ANKRD42: variants seen among roughly 807,000 people sequenced by gnomAD.
The protein encoded by ANKRD42 is ankyrin repeat domain-containing protein 42.
A neutral mutation model predicts 51.5 loss-of-function variants in ANKRD42; 43 were observed. The observed-to-expected ratio is 0.83, with a 90% confidence interval of 0.65 to 1.08. The LOEUF (loss-of-function observed/expected upper bound fraction) is 1.08. Among genes scored for constraint, ANKRD42 ranks in the 50% least tolerant of loss-of-function variants. ANKRD42 has a pLI of 0.00. For missense variants in ANKRD42, 608 were observed against 629.3 expected, an observed-to-expected ratio of 0.97 and a Z score of 0.36; for synonymous variants, 203 against 213.0, an observed-to-expected ratio of 0.95 and a Z score of 0.41.
chr11:83,200,122 A>G (rs986961226), intron 2 of ANKRD42, among the ~76,000 whole-genome samples: 2 of 151,856 alleles, frequency 1.3e-5, no homozygotes, highest in African/African-American at 4.8e-5. Context: ...AGAAGGGGGA[A>G]GTACTGATTT....
downstream of ANKRD42, chr11:83,262,053 A>G: frequency 1.1e-6 from 1 of 875,978 alleles, no homozygotes; most frequent in Non-Finnish European, 1.7e-6. Flanking sequence ...TTAAGTGAAG[A>G]GCAAAAAACA....
downstream of ANKRD42, among the ~76,000 whole-genome samples, chr11:83,256,508 C>A (rs868477560): frequency 1.5e-4 from 23 of 152,204 alleles, no homozygotes; most frequent in African/African-American, 5.5e-4. Context: ...ACAACTATGG[C>A]TTTTCAGTTC....
intron 7 of ANKRD42, among the ~76,000 whole-genome samples, chr11:83,234,748 GT>G (rs1301610938): frequency 6.6e-6 from 1 of 152,174 alleles, no homozygotes; most frequent in Non-Finnish European, 1.5e-5. Context: ...CTAAAGTGGG[GT>G]TTTTAATAGA....
chr11:83,239,794 T>C (rs1256374802), intron 8 of ANKRD42, among the ~76,000 whole-genome samples: 5 of 152,234 alleles, frequency 3.3e-5, no homozygotes, highest in African/African-American at 1.2e-4. Context: ...ATCTGAAGTT[T>C]TCCATAATTT....
intron 10 of ANKRD42, 125 bp from the exon 11 acceptor site, chr11:83,247,818 T>G: frequency 1.2e-6 from 1 of 866,554 alleles, no homozygotes. Flanking sequence ...TTAATACATA[T>G]TTGTTGAATA....
At chr11:83,200,384 T>A (rs775874464) in intron 2 of ANKRD42, among the ~76,000 whole-genome samples, 45 of 152,348 alleles carry the variant, frequency 3.0e-4, no homozygotes, top group Middle Eastern at 3.4e-3. Context: ...TTGGATTATG[T>A]ATTAAGTGCT....
At chr11:83,228,769 G>A (rs959986240) in intron 7 of ANKRD42, among the ~76,000 whole-genome samples, 3 of 152,044 alleles carry the variant, frequency 2.0e-5, no homozygotes. Flanking sequence ...GAAGAGATGG[G>A]ATGCAAAGGA....
rs1220047058 is a variant in ANKRD42, at chr11:83,225,117, T to C, written c.787+62T>C. 1.2e-5 allele frequency: 17 copies of C among 1,413,178 alleles called. No homozygotes were observed. In the East Asian group the frequency reaches 3.1e-4, roughly 25 times the overall value. 87.5% of individuals were successfully genotyped at this position (1,413,178 alleles called of 1,614,324 possible). A position where few individuals can be genotyped will look rare whatever the true frequency, so the allele number is the denominator to read the frequency against. Reference sequence around the variant, plus strand: ...GATGATGATGATGATGATAATATAATGAGTAGAATCAATGAAATAGGAAAA... The same window carrying C: ...GATGATGATGATGATGATAATATAACGAGTAGAATCAATGAAATAGGAAAA... On this transcript the variant is annotated intron_variant, in intron 6 of 10. Coordinates refer to ENST00000533342, the MANE Select transcript of ANKRD42 (RefSeq NM_001300975.2).
At position 83,227,868 on chromosome 11, in the gene ANKRD42, T is replaced by G; in HGVS notation, c.909T>G (p.His303Gln). The G allele has an allele frequency of 1.2e-6, 2 of 1,602,688 alleles. No homozygotes were observed. The highest frequency in any genetic ancestry group is 8.5e-7 in the Non-Finnish European group (1 of 1,176,588). ...CTGATAATGGATCAACTCCTATGCA[T>G]AAAGGTGAGTTATGATTCCTCCTTT... ...ERADNGSTPM[H>Q]KAAGQGHIEC... Residue 303 changes from histidine (H) to glutamine (Q), a missense_variant, in exon 7 of 11, where the codon CAT (histidine) becomes CAG (glutamine). Transcript: ENST00000533342.
chr11:83,210,218 C>A, intron 3 of ANKRD42, 82 bp from the exon 4 acceptor site: 3 of 1,374,940 alleles, frequency 2.2e-6, no homozygotes, highest in Non-Finnish European at 3.0e-6. Context: ...TAATAAATTG[C>A]TTGCCTTTGT....
In ANKRD42 at chr11:83,193,999, G is replaced by T; in HGVS notation, c.-672G>T. On this transcript the variant is annotated 5_prime_UTR_variant, in exon 1 of 11. Coordinates refer to ENST00000533342, the MANE Select transcript of ANKRD42 (RefSeq NM_001300975.2). ...CAGGGTCGCTGCAGGAAGCCTAAGTGCAGACGCCGGCTTCTCCCGCAGTGA... is the reference window on the plus strand; with the variant it reads ...CAGGGTCGCTGCAGGAAGCCTAAGTTCAGACGCCGGCTTCTCCCGCAGTGA... The T allele has an allele frequency of 2.2e-6, 1 of 456,522 alleles. No individual in the cohort carries two copies. Among genetic ancestry groups the T allele is most frequent in the Non-Finnish European group, 4.4e-6 (1 of 226,794 alleles). The allele number at this position is 456,522 out of a possible 1,614,324, so 28.3% of individuals were successfully genotyped here.
downstream of ANKRD42, chr11:83,261,881 C>A (rs768916127): frequency 6.5e-7 from 1 of 1,545,046 alleles, no homozygotes; most frequent in Non-Finnish European, 8.8e-7. Context: ...TTCTAAGAAG[C>A]CAACAGCCAC....
chr11:83,233,938 C>T lies in ANKRD42; in HGVS notation c.914-2466C>T, dbSNP rs986786021. On this transcript the variant is annotated intron_variant, in intron 7 of 10. Transcript: ENST00000533342. Reference sequence around the variant, plus strand: ...CCTCAGGTGATCCACCCGCTTTGGCCTCCCGAAGTGCTGGGATTACAGGCA... The same window carrying T: ...CCTCAGGTGATCCACCCGCTTTGGCTTCCCGAAGTGCTGGGATTACAGGCA... Among the ~76,000 whole-genome samples, 8 of 152,236 alleles carry T rather than the reference C, an allele frequency of 5.3e-5. 1 individual carries two copies. Among genetic ancestry groups the T allele is most frequent in the Non-Finnish European group, 1.0e-4 (7 of 68,040 alleles).
downstream of ANKRD42, among the ~76,000 whole-genome samples, chr11:83,263,460 T>C (rs1326326407): frequency 2.6e-5 from 4 of 152,220 alleles, no homozygotes; most frequent in African/African-American, 9.6e-5. Flanking sequence ...TAGGGAGACA[T>C]TCTACATATA....
At chr11:83,243,481 G>A (rs577106436) in intron 9 of ANKRD42, among the ~76,000 whole-genome samples, 288 of 152,146 alleles carry the variant, frequency 1.9e-3, no homozygotes, top group African/African-American at 6.7e-3. Flanking sequence ...CAGGCTTTAC[G>A]AAACACAGAC....
chr11:83,211,176 T>C (rs931781505), intron 4 of ANKRD42, 119 bp from the exon 5 acceptor site: 2 of 1,277,218 alleles, frequency 1.6e-6, no homozygotes, highest in East Asian at 2.3e-5. Context: ...TTCTATTAAG[T>C]GTTTGCCTTC....
At chr11:83,199,706 A>G (rs1002868284) in intron 2 of ANKRD42, among the ~76,000 whole-genome samples, 1 of 152,198 alleles carries the variant, frequency 6.6e-6, no homozygotes, top group African/African-American at 2.4e-5. Flanking sequence ...ATAAGCTACA[A>G]TAGGTCTGTT....
intron 2 of ANKRD42, among the ~76,000 whole-genome samples, chr11:83,200,111 G>A (rs184501813): frequency 3.3e-4 from 50 of 152,104 alleles, no homozygotes; most frequent in Admixed American, 1.2e-3. Flanking sequence ...TGATTTTGGA[G>A]AGAAGGGGGA....
intron 2 of ANKRD42, among the ~76,000 whole-genome samples, chr11:83,205,659 AAG>A (rs2135490507): frequency 6.6e-6 from 1 of 152,342 alleles, no homozygotes; most frequent in Admixed American, 6.5e-5. Flanking sequence ...GACCCGTTTA[AAG>A]ATCTATGTTT....
Sources: gnomAD v4.1 joint callset for allele counts (sites outside exome capture counted in the v4.1 genomes callset) on GRCh38, gnomAD v4.1.1 for gene constraint, MANE v1.5 for transcripts, NCBI Gene and HGNC (gene_info 2026-07-23, HGNC 2026-07-21) for gene names.